The following GALNT13 variants were observed in gnomAD, a reference collection of about 807,000 sequenced individuals.
The protein encoded by GALNT13 is UDP-GalNAc:polypeptide N-acetylgalactosaminyltransferase 13.
A neutral mutation model predicts 64.2 loss-of-function variants in GALNT13; 28 were observed. The ratio of observed to expected loss-of-function variants is 0.44; its 90% CI spans 0.32 to 0.60. The LOEUF is 0.60. GALNT13 is among the 20% of genes least tolerant of loss of function. The pLI, the probability that GALNT13 is intolerant of heterozygous loss-of-function variation, is 0.05. For synonymous variants in GALNT13, 214 were observed against 224.6 expected (o/e 0.95, Z 0.42); for missense variants, 577 against 669.8 (o/e 0.86, Z 1.53).
At chr2:153,638,428 G>A in the GALNT13 span, among the ~76,000 whole-genome samples, 1 of 20,914 alleles carries the variant, frequency 4.8e-5, no homozygotes. Flanking sequence ...CTGGACACCC[G>A]GGATAGTAAT....
At chr2:154,030,428 TATC>T (rs1268793866) in intron 3 of GALNT13, among the ~76,000 whole-genome samples, 16 of 152,144 alleles carry the variant, frequency 1.1e-4, no homozygotes, top group Non-Finnish European at 4.4e-5. Context: ...CACTGAAAGT[TATC>T]ATGATGAAGG....
At chr2:154,198,193 T>C (rs983344327) in intron 4 of GALNT13, among the ~76,000 whole-genome samples, 4 of 152,062 alleles carry the variant, frequency 2.6e-5, no homozygotes, top group African/African-American at 9.7e-5. Context: ...TCAAAGTAGA[T>C]ACAATGCATA....
chr2:154,068,087 A>G (rs1700561005), intron 3 of GALNT13, among the ~76,000 whole-genome samples: 1 of 152,080 alleles, frequency 6.6e-6, no homozygotes, highest in South Asian at 2.1e-4. Context: ...AAGACATACA[A>G]ATGGCAAACA....
the GALNT13 span, among the ~76,000 whole-genome samples, chr2:153,858,393 A>G: frequency 6.6e-6 from 1 of 152,150 alleles, no homozygotes; most frequent in African/African-American, 2.4e-5. Context: ...TGGTAATAAG[A>G]TCTAACTTGG....
chr2:154,014,973 T>C (rs1301568212), intron 3 of GALNT13, among the ~76,000 whole-genome samples: 1 of 152,120 alleles, frequency 6.6e-6, no homozygotes, highest in Admixed American at 6.6e-5. Flanking sequence ...AATATACTTG[T>C]AGTGAAAATA....
the GALNT13 span, among the ~76,000 whole-genome samples, chr2:153,110,636 T>C: frequency 6.6e-6 from 1 of 152,118 alleles, no homozygotes; most frequent in Non-Finnish European, 1.5e-5. Context: ...TGGAACCTGT[T>C]TTCACATCTT....
the GALNT13 span, among the ~76,000 whole-genome samples, chr2:153,435,038 T>C: frequency 6.6e-6 from 1 of 152,216 alleles, no homozygotes; most frequent in South Asian, 2.1e-4. Context: ...AGTTTCAGCT[T>C]TCTACATATG....
At chr2:153,188,410 T>C in the GALNT13 span, among the ~76,000 whole-genome samples, 1 of 152,034 alleles carries the variant, frequency 6.6e-6, no homozygotes, top group Non-Finnish European at 1.5e-5. Flanking sequence ...ATGAAACCAA[T>C]TAAAAGGGCA....
the GALNT13 span, among the ~76,000 whole-genome samples, chr2:153,380,638 C>T: frequency 4.6e-5 from 7 of 151,820 alleles, no homozygotes; most frequent in South Asian, 2.1e-4. Flanking sequence ...TGTGAATGTA[C>T]GTAGTATAGT....
At chr2:154,115,817 A>G (rs1056470752) in intron 3 of GALNT13, among the ~76,000 whole-genome samples, 26 of 152,046 alleles carry the variant, frequency 1.7e-4, no homozygotes, top group African/African-American at 5.3e-4. Context: ...ATCCAACTCA[A>G]TGTTCCATCC....
chr2:154,043,414 TTATATATATATATATATATATA>T (rs1179722579), intron 3 of GALNT13, among the ~76,000 whole-genome samples: 3 of 78,260 alleles, frequency 3.8e-5, no homozygotes, highest in African/African-American at 5.5e-5. Flanking sequence ...ATAAGGACTT[TTATATATATATATATATATATA>T]TATATATATA....
chr2:154,246,230 C>T (rs1307302390), intron 7 of GALNT13, among the ~76,000 whole-genome samples: 1 of 151,934 alleles, frequency 6.6e-6, no homozygotes, highest in Non-Finnish European at 1.5e-5. Flanking sequence ...TTCTTGTATT[C>T]AAAATATATT....
chr2:154,079,959 G>A (rs1701187833), intron 3 of GALNT13, among the ~76,000 whole-genome samples: 1 of 151,440 alleles, frequency 6.6e-6, no homozygotes, highest in African/African-American at 2.4e-5. Flanking sequence ...TCTTGGGATT[G>A]CATTTTTTGA....
the GALNT13 span, among the ~76,000 whole-genome samples, chr2:153,651,412 A>T: frequency 6.6e-6 from 1 of 152,192 alleles, no homozygotes; most frequent in East Asian, 1.9e-4. Context: ...ATTGTGATTG[A>T]ATGAACAAAA....
intron 8 of GALNT13, among the ~76,000 whole-genome samples, chr2:154,260,997 C>T (rs1303809163): frequency 6.6e-6 from 1 of 152,134 alleles, no homozygotes; most frequent in East Asian, 1.9e-4. Flanking sequence ...ACTTTTATCA[C>T]ATATCTCCCA....
At chr2:153,429,067 TTC>T in the GALNT13 span, among the ~76,000 whole-genome samples, 1 of 151,836 alleles carries the variant, frequency 6.6e-6, no homozygotes, top group South Asian at 2.1e-4. Flanking sequence ...CTCTTTCTCT[TTC>T]TCTCTCTCTT....
At chr2:153,539,532 C>A in the GALNT13 span, among the ~76,000 whole-genome samples, 4 of 151,844 alleles carry the variant, frequency 2.6e-5, no homozygotes, top group Non-Finnish European at 5.9e-5. Context: ...TTAGGTCTAA[C>A]GTTTAAGTCT....
chr2:154,171,647 C>T (rs910347974), intron 4 of GALNT13, among the ~76,000 whole-genome samples: 2 of 152,054 alleles, frequency 1.3e-5, no homozygotes, highest in Admixed American at 6.6e-5. Context: ...AAGTCCCTGA[C>T]TCTGAAATAG....
chr2:154,325,620 G>A (rs1466638810), intron 9 of GALNT13, among the ~76,000 whole-genome samples: 2 of 151,274 alleles, frequency 1.3e-5, no homozygotes, highest in African/African-American at 2.4e-5. Flanking sequence ...TTTAATTATT[G>A]TGGATACATA....
Sources: allele counts gnomAD v4.1 joint callset (sites outside exome capture counted in the v4.1 genomes callset), GRCh38; gene constraint gnomAD v4.1.1; transcripts MANE v1.5; gene names NCBI Gene and HGNC (gene_info 2026-07-23, HGNC 2026-07-21).